The following TBC1D9 variants were observed in gnomAD, a reference collection of about 807,000 sequenced individuals.
TBC1D9 encodes TBC1 domain family member 9.
A neutral mutation model predicts 132.0 loss-of-function variants in TBC1D9; 63 were observed. The ratio of observed to expected loss-of-function variants is 0.48; its 90% CI spans 0.39 to 0.59. The LOEUF (loss-of-function observed/expected upper bound fraction) is 0.59. TBC1D9 is among the 20% of genes least tolerant of loss of function. The pLI, the probability that TBC1D9 is intolerant of heterozygous loss-of-function variation, is 0.00. For synonymous variants in TBC1D9, 610 were observed against 609.9 expected (o/e 1.00, Z 0.00); for missense variants, 1,261 against 1,592.7 (o/e 0.79, Z 3.54).
chr4:140,748,821 G>A (rs1307547054), intron 1 of TBC1D9, among the ~76,000 whole-genome samples: 1 of 152,198 alleles, frequency 6.6e-6, no homozygotes, highest in African/African-American at 2.4e-5. Context: ...TTTTCTGGCA[G>A]TGGAAAACGG....
intron 13 of TBC1D9, among the ~76,000 whole-genome samples, chr4:140,653,494 G>A (rs559017361): frequency 6.6e-6 from 1 of 152,062 alleles, no homozygotes; most frequent in Admixed American, 6.5e-5. Flanking sequence ...GTACTCTTGG[G>A]CTTCATGCCT....
intron 2 of TBC1D9, among the ~76,000 whole-genome samples, chr4:140,698,789 C>A (rs1392096945): frequency 6.6e-6 from 1 of 152,092 alleles, no homozygotes; most frequent in Non-Finnish European, 1.5e-5. Context: ...TCAGGTACTA[C>A]TAAATCCTTG....
intron 1 of TBC1D9, among the ~76,000 whole-genome samples, chr4:140,712,449 A>ATATATATATATATATATATATATATAT (rs1738258914): frequency 9.7e-6 from 1 of 102,706 alleles, no homozygotes; most frequent in Non-Finnish European, 1.8e-5. Context: ...AAAAAAAAAG[A>ATATATATATATATATATATATATATAT]ATATATATAT....
At chr4:140,684,021 A>G (rs1379618026) in intron 3 of TBC1D9, among the ~76,000 whole-genome samples, 2 of 152,256 alleles carry the variant, frequency 1.3e-5, no homozygotes, top group African/African-American at 2.4e-5. Flanking sequence ...TAAAAATTAT[A>G]TAACAATATT....
At chr4:140,746,321 T>A (rs955229132) in intron 1 of TBC1D9, among the ~76,000 whole-genome samples, 12 of 152,178 alleles carry the variant, frequency 7.9e-5, no homozygotes, top group African/African-American at 2.9e-4. Context: ...ATATTTTAAC[T>A]TGAAGCCCCT....
intron 1 of TBC1D9, among the ~76,000 whole-genome samples, chr4:140,719,833 A>T (rs1475512729): frequency 6.6e-6 from 1 of 152,184 alleles, no homozygotes; most frequent in Non-Finnish European, 1.5e-5. Context: ...CTCATGCAGG[A>T]GACTGTTTTG....
At chr4:140,664,035 C>A in intron 9 of TBC1D9, among the ~76,000 whole-genome samples, 1 of 141,842 alleles carries the variant, frequency 7.1e-6, no homozygotes, top group African/African-American at 2.7e-5. Context: ...CCAAACTCTC[C>A]CCACCAAAAA....
intron 1 of TBC1D9, among the ~76,000 whole-genome samples, chr4:140,713,478 T>A (rs1416915396): frequency 1.3e-5 from 2 of 152,150 alleles, no homozygotes; most frequent in Non-Finnish European, 1.5e-5. Flanking sequence ...TACAGTGGAC[T>A]GTAATCCCAG....
chr4:140,716,165 G>A (rs1738331264), intron 1 of TBC1D9: 3 of 152,222 alleles, frequency 2.0e-5, no homozygotes, highest in African/African-American at 7.2e-5. Flanking sequence ...GTCATGGCCT[G>A]AAGATAGCTT....
chr4:140,640,968 C>A (rs1201688681), intron 13 of TBC1D9, among the ~76,000 whole-genome samples: 1 of 151,306 alleles, frequency 6.6e-6, no homozygotes, highest in Non-Finnish European at 1.5e-5. Flanking sequence ...AACCAAAAGT[C>A]AGTAACCACT....
intron 1 of TBC1D9, among the ~76,000 whole-genome samples, chr4:140,719,046 C>G (rs1318266968): frequency 6.6e-6 from 1 of 151,758 alleles, no homozygotes; most frequent in East Asian, 1.9e-4. Flanking sequence ...ACCCAGGAGA[C>G]AGAGGTGACA....
intron 13 of TBC1D9, chr4:140,645,185 A>T (rs2110984471): frequency 1.8e-6 from 1 of 546,832 alleles, no homozygotes. Context: ...GCTTCTCCTG[A>T]TCTCAGTCCA....
At chr4:140,658,768 G>A (rs1003573644) in intron 11 of TBC1D9, among the ~76,000 whole-genome samples, 3 of 150,690 alleles carry the variant, frequency 2.0e-5, no homozygotes, top group Admixed American at 1.3e-4. Context: ...CCAAATTCAC[G>A]CCACTGTACT....
intron 9 of TBC1D9, among the ~76,000 whole-genome samples, chr4:140,662,490 T>G (rs1054981533): frequency 6.6e-6 from 1 of 152,154 alleles, no homozygotes. Flanking sequence ...CCCAGCAGCT[T>G]TGCTTTTATT....
At chr4:140,682,932 G>A (rs1446218419) in intron 3 of TBC1D9, among the ~76,000 whole-genome samples, 1 of 152,108 alleles carries the variant, frequency 6.6e-6, no homozygotes, top group African/African-American at 2.4e-5. Flanking sequence ...TGTTGCCCAG[G>A]CTGGAGTGCA....
intron 3 of TBC1D9, among the ~76,000 whole-genome samples, chr4:140,683,172 C>T (rs1274246182): frequency 6.6e-6 from 1 of 152,158 alleles, no homozygotes; most frequent in Non-Finnish European, 1.5e-5. Context: ...GCCACCGCAC[C>T]TGGCCTGCTC....
intron 13 of TBC1D9, among the ~76,000 whole-genome samples, chr4:140,650,912 T>G (rs1416970292): frequency 1.3e-5 from 2 of 152,164 alleles, no homozygotes; most frequent in Admixed American, 6.5e-5. Flanking sequence ...ACCTGGACAT[T>G]GTAGAAAAGG....
At chr4:140,704,799 G>A (rs1049314699) in intron 1 of TBC1D9, among the ~76,000 whole-genome samples, 1 of 152,172 alleles carries the variant, frequency 6.6e-6, no homozygotes, top group Non-Finnish European at 1.5e-5. Flanking sequence ...GTGTCAATTA[G>A]AGATAAAGAA....
At chr4:140,650,526 T>C (rs1484808592) in intron 13 of TBC1D9, among the ~76,000 whole-genome samples, 2 of 152,100 alleles carry the variant, frequency 1.3e-5, no homozygotes, top group Non-Finnish European at 2.9e-5. Context: ...CTCTAGAGTA[T>C]TTTCTTTTAC....
Sources: allele counts gnomAD v4.1 joint callset (sites outside exome capture counted in the v4.1 genomes callset), GRCh38; gene constraint gnomAD v4.1.1; transcripts MANE v1.5; gene names NCBI Gene and HGNC (gene_info 2026-07-23, HGNC 2026-07-21).